The following APBA1 variants were observed in gnomAD, a reference collection of about 807,000 sequenced individuals.
The protein encoded by APBA1 is amyloid beta precursor protein binding family A member 1, also known as amyloid-beta A4 precursor protein-binding family A member 1.
A neutral mutation model predicts 86.6 loss-of-function variants in APBA1; 55 were observed. The observed-to-expected ratio is 0.64, with a 90% CI of 0.51 to 0.80. The LOEUF (loss-of-function observed/expected upper bound fraction) is 0.80, where lower values mean the gene tolerates loss of function less well. Ranked by LOEUF, APBA1 falls within the 30% of genes least tolerant of loss-of-function variation. The pLI, the probability that APBA1 is intolerant of heterozygous loss-of-function variation, is 0.00. For missense variants in APBA1, 1,090 were observed against 1,183.0 expected (o/e 0.92, Z 1.15); for synonymous variants, 511 against 493.9 (o/e 1.03, Z -0.46).
chr9:69,562,986 CT>C (rs1225438873), intron 1 of APBA1, among the ~76,000 whole-genome samples: 2 of 152,202 alleles, frequency 1.3e-5, no homozygotes, highest in Non-Finnish European at 2.9e-5. Flanking sequence ...TAGCTTGCTT[CT>C]TTGGAAATGA....
At chr9:69,447,364 T>G (rs949487453) in intron 10 of APBA1, among the ~76,000 whole-genome samples, 13 of 152,174 alleles carry the variant, frequency 8.5e-5, no homozygotes, top group African/African-American at 2.9e-4. Context: ...CATCGATTTC[T>G]CTCTCTTGCA....
chr9:69,477,168 G>A (rs12337495), intron 2 of APBA1, among the ~76,000 whole-genome samples: 120,295 of 151,144 alleles, frequency 0.8, 47,999 homozygotes, highest in Admixed American at 0.85. Context: ...CAGCGTGAGC[G>A]ACACAGAAGA....
chr9:69,592,995 G>A (rs936252165), intron 1 of APBA1, among the ~76,000 whole-genome samples: 1 of 152,120 alleles, frequency 6.6e-6, no homozygotes, highest in East Asian at 1.9e-4. Context: ...AATGATAAAG[G>A]CTTCTGCAAC....
chr9:69,576,811 C>G (rs192108017), intron 1 of APBA1, among the ~76,000 whole-genome samples: 34 of 152,188 alleles, frequency 2.2e-4, no homozygotes, highest in African/African-American at 7.9e-4. Context: ...ACATATGTAA[C>G]AAACCTGCAC....
At chr9:69,490,703 C>T (rs1309013270) in intron 2 of APBA1, among the ~76,000 whole-genome samples, 1 of 152,062 alleles carries the variant, frequency 6.6e-6, no homozygotes, top group Non-Finnish European at 1.5e-5. Flanking sequence ...GCAATCCACT[C>T]CTCTGACAAA....
At chr9:69,656,994 C>T (rs920482008) in intron 1 of APBA1, among the ~76,000 whole-genome samples, 7 of 151,954 alleles carry the variant, frequency 4.6e-5, no homozygotes, top group Non-Finnish European at 1.0e-4. Context: ...TACAGGCGCC[C>T]GCCACCGCGC....
intron 1 of APBA1, among the ~76,000 whole-genome samples, chr9:69,637,406 C>A (rs1176834514): frequency 6.6e-6 from 1 of 152,014 alleles, no homozygotes; most frequent in Non-Finnish European, 1.5e-5. Flanking sequence ...AGATACATGC[C>A]TGAGGTGATG....
intron 3 of APBA1, among the ~76,000 whole-genome samples, chr9:69,472,169 C>A (rs139755033): frequency 2.0e-5 from 3 of 152,314 alleles, no homozygotes; most frequent in Non-Finnish European, 2.9e-5. Context: ...TTAAAAATCT[C>A]TTCATCTCCT....
intron 1 of APBA1, among the ~76,000 whole-genome samples, chr9:69,616,500 T>C (rs973354733): frequency 2.0e-5 from 3 of 152,190 alleles, no homozygotes; most frequent in Non-Finnish European, 2.9e-5. Flanking sequence ...TTTTCCTTTT[T>C]AAACTTTGTA....
intron 1 of APBA1, among the ~76,000 whole-genome samples, chr9:69,594,273 C>T (rs1027932330): frequency 1.3e-5 from 2 of 152,140 alleles, no homozygotes; most frequent in Non-Finnish European, 2.9e-5. Flanking sequence ...GATTATGATG[C>T]AGTAGGTTTG....
Position 69,601,967 on chromosome 9 carries a change from T to C in APBA1, c.-70+70186A>G, listed in dbSNP as rs958602217. Among the ~76,000 whole-genome samples, 7 of 152,164 alleles carry C rather than the reference T, an allele frequency of 4.6e-5. 1 individual carries two copies. In the South Asian group the frequency reaches 1.5e-3, roughly 32 times the overall value. ...ACCAGATAACTACCAAGCCACACAATGAGTGACACACAGACCATGCTTTGA... is the reference window on the plus strand; with the variant it reads ...ACCAGATAACTACCAAGCCACACAACGAGTGACACACAGACCATGCTTTGA... On this transcript the variant is annotated intron_variant, in intron 1 of 12. Transcript: ENST00000265381.
At chr9:69,571,215 T>C (rs959266119) in intron 1 of APBA1, among the ~76,000 whole-genome samples, 1 of 152,174 alleles carries the variant, frequency 6.6e-6, no homozygotes, top group African/African-American at 2.4e-5. Flanking sequence ...AAAAACTAAA[T>C]TATAAAAATA....
At chr9:69,556,790 T>C (rs1296986372) in intron 1 of APBA1, among the ~76,000 whole-genome samples, 1 of 152,210 alleles carries the variant, frequency 6.6e-6, no homozygotes, top group Non-Finnish European at 1.5e-5. Flanking sequence ...TGATATCTAA[T>C]GTGCAGAGGC....
intron 8 of APBA1, among the ~76,000 whole-genome samples, chr9:69,456,000 G>C (rs1273796441): frequency 6.6e-6 from 1 of 152,122 alleles, no homozygotes; most frequent in Non-Finnish European, 1.5e-5. Context: ...TTTGTCTGTG[G>C]AGCACTCCCC....
chr9:69,490,845 C>T (rs1564053808), intron 2 of APBA1, among the ~76,000 whole-genome samples: 2 of 152,096 alleles, frequency 1.3e-5, no homozygotes, highest in Admixed American at 6.5e-5. Context: ...CCAAAAGACA[C>T]ATGAAAAAAT....
chr9:69,453,632 T>C (rs1053562872), intron 8 of APBA1, among the ~76,000 whole-genome samples: 16 of 152,238 alleles, frequency 1.1e-4, no homozygotes, highest in Non-Finnish European at 1.3e-4. Flanking sequence ...TCACTTGGAA[T>C]GCAAGAGGCT....
At chr9:69,448,181 T>C (rs746791247) in intron 10 of APBA1, among the ~76,000 whole-genome samples, 1 of 152,222 alleles carries the variant, frequency 6.6e-6, no homozygotes, top group Non-Finnish European at 1.5e-5. Context: ...TTTTATTCCT[T>C]CAAGGTCAAC....
intron 1 of APBA1, among the ~76,000 whole-genome samples, chr9:69,530,585 G>A (rs7849704): frequency 0.013 from 2,033 of 152,082 alleles, 40 homozygotes; most frequent in African/African-American, 0.046. Flanking sequence ...GGTGGTAAAG[G>A]TGACGGTTGA....
chr9:69,427,581 T>A lies in APBA1; in HGVS notation c.*3746A>T, dbSNP rs1834507772. ...GTTGCAGCAACTCTTATACAGACAT[T>A]AGCGTTCAGTTAAATAAAGGAAGAT... On this transcript the variant is annotated 3_prime_UTR_variant, in exon 13 of 13. Coordinates refer to ENST00000265381, the MANE Select transcript of APBA1 (RefSeq NM_001163.4). 6.6e-6 allele frequency: 1 copy of A among 151,958 alleles called. No homozygotes were observed. Among genetic ancestry groups the A allele is most frequent in the African/African-American group, 2.4e-5 (1 of 41,374 alleles). 9.4% of individuals were successfully genotyped at this position (151,958 alleles called of 1,614,324 possible).
Sources: gnomAD v4.1 joint callset for allele counts (sites outside exome capture counted in the v4.1 genomes callset) on GRCh38, gnomAD v4.1.1 for gene constraint, MANE v1.5 for transcripts, NCBI Gene and HGNC (gene_info 2026-07-23, HGNC 2026-07-21) for gene names.